BCKDHA: variants seen among roughly 807,000 people sequenced by gnomAD.
BCKDHA encodes 2-oxoisovalerate dehydrogenase subunit alpha, mitochondrial.
A neutral mutation model predicts 52.2 loss-of-function variants in BCKDHA; 43 were observed. That is an observed-to-expected ratio of 0.82 (90% confidence interval 0.64 to 1.06). The LOEUF is 1.06. Ranked by LOEUF, BCKDHA falls within the 50% of genes least tolerant of loss-of-function variation. The probability of loss-of-function intolerance (pLI) is 0.00; values close to 1 mark genes in which losing one functional copy is unlikely to be tolerated. For synonymous variants in BCKDHA, 234 were observed against 247.9 expected, an observed-to-expected ratio of 0.94 and a Z score of 0.53; for missense variants, 527 against 621.3, an observed-to-expected ratio of 0.85 and a Z score of 1.61.
chr19:41,407,958 T>A (rs1438013691), intron 1 of BCKDHA, among the ~76,000 whole-genome samples: 1 of 149,756 alleles, frequency 6.7e-6, no homozygotes, highest in Non-Finnish European at 1.5e-5. Context: ...TAATTTTTTT[T>A]TTTTTTTTTT....
rs566491748 is a variant in BCKDHA at position 41,415,196 on chromosome 19, C to T, written c.484+1039C>T. 1.9e-3 allele frequency among the ~76,000 whole-genome samples: 289 copies of T among 152,350 alleles called. 1 individual carries two copies. Among genetic ancestry groups the T allele is most frequent in the Non-Finnish European group, 3.0e-3 (205 of 68,036 alleles). On this transcript the variant is annotated intron_variant, in intron 4 of 8. Transcript: ENST00000269980. Reference sequence around the variant, plus strand: ...GCCCCACATGCTCTAGGAGGGCAAACGCCCTGTGGTGTTTGTCTAAGGTCT... The same window carrying T: ...GCCCCACATGCTCTAGGAGGGCAAATGCCCTGTGGTGTTTGTCTAAGGTCT...
chr19:41,422,605 C>T, intron 6 of BCKDHA, 24 bp from the exon 7 acceptor site: 1 of 1,613,626 alleles, frequency 6.2e-7, no homozygotes, highest in South Asian at 1.1e-5. Flanking sequence ...CCTGGCCTGA[C>T]CTGCCTTCTC....
intron 4 of BCKDHA, among the ~76,000 whole-genome samples, chr19:41,418,116 A>G (rs1230702723): frequency 7.2e-6 from 1 of 138,770 alleles, no homozygotes. Flanking sequence ...AAAAAAAAAA[A>G]GGTAACTGCT....
chr19:41,422,577 C>T, intron 6 of BCKDHA, 52 bp from the exon 7 acceptor site: 1 of 1,611,630 alleles, frequency 6.2e-7, no homozygotes. Flanking sequence ...TGGCCTCGTG[C>T]ATGTTCCTTA....
At chr19:41,417,786 G>A (rs2039321141) in intron 4 of BCKDHA, among the ~76,000 whole-genome samples, 1 of 152,136 alleles carries the variant, frequency 6.6e-6, no homozygotes, top group South Asian at 2.1e-4. Context: ...TTAGCTGGAT[G>A]TGGTGGCACA....
intron 4 of BCKDHA, among the ~76,000 whole-genome samples, chr19:41,414,780 C>T (rs2039291461): frequency 1.3e-5 from 2 of 152,088 alleles, no homozygotes; most frequent in South Asian, 4.1e-4. Flanking sequence ...GTGGGGTCTT[C>T]CAGGGAGCTT....
intron 4 of BCKDHA, among the ~76,000 whole-genome samples, chr19:41,417,062 A>C (rs1439836689): frequency 1.3e-5 from 2 of 152,136 alleles, no homozygotes; most frequent in African/African-American, 4.8e-5. Context: ...CCCAGGTTGA[A>C]GTGCAGTGGC....
intron 4 of BCKDHA, among the ~76,000 whole-genome samples, chr19:41,416,478 C>T (rs961491725): frequency 1.3e-5 from 2 of 152,218 alleles, no homozygotes; most frequent in Admixed American, 6.5e-5. Context: ...GCCACATTCT[C>T]CTAAGGAGTG....
intron 1 of BCKDHA, 75 bp downstream of exon 1, chr19:41,398,010 C>T (rs2039095224): frequency 6.2e-6 from 8 of 1,290,536 alleles, no homozygotes; most frequent in Non-Finnish European, 8.8e-6. Context: ...GTGTGGGGTC[C>T]CTGAAGGATA....
chr19:41,422,615 C>T lies in BCKDHA; in HGVS notation c.854-14C>T, dbSNP rs372967761. On this transcript the variant is annotated splice_polypyrimidine_tract_variant and intron_variant, in intron 6 of 8. Transcript: ENST00000269980. ...TCAGCCCTGGCCTGACCTGCCTTCTCTGTGTCCCCACAGCAGCACGAGGCC... is the reference window on the plus strand; with the variant it reads ...TCAGCCCTGGCCTGACCTGCCTTCTTTGTGTCCCCACAGCAGCACGAGGCC... The T allele has an allele frequency of 5.6e-6, 9 of 1,613,746 alleles. No individual in the cohort carries two copies. The highest frequency in any genetic ancestry group is 1.1e-5 in the South Asian group (1 of 91,072).
At position 41,422,304 on chromosome 19, in the gene BCKDHA, T is replaced by G. The variant is rs771360993; in HGVS notation, c.787T>G (p.Phe263Val). ...AATLECPIIF[F>V]CRNNGYAIST... ...CACACTTGAGTGCCCCATCATCTTC[T>G]TCTGCCGGAACAATGGCTACGCCAT... Residue 263 changes from phenylalanine (F) to valine (V), a missense_variant, in exon 6 of 9, where the codon TTC (phenylalanine) becomes GTC (valine). Coordinates refer to ENST00000269980, the MANE Select transcript of BCKDHA (RefSeq NM_000709.4). The G allele has an allele frequency of 1.2e-6, 2 of 1,614,208 alleles. No individual in the cohort carries two copies. The highest frequency in any genetic ancestry group is 1.7e-6 in the Non-Finnish European group (2 of 1,180,022).
intron 4 of BCKDHA, among the ~76,000 whole-genome samples, chr19:41,418,228 G>A (rs1352373403): frequency 1.3e-5 from 2 of 151,812 alleles, no homozygotes; most frequent in Non-Finnish European, 2.9e-5. Context: ...TCTGAATAAT[G>A]TTCCCGGTCT....
At chr19:41,418,009 T>A (rs1441178904) in intron 4 of BCKDHA, among the ~76,000 whole-genome samples, 1 of 150,590 alleles carries the variant, frequency 6.6e-6, no homozygotes, top group Admixed American at 6.7e-5. Flanking sequence ...TAAGAATTGC[T>A]TGAACCTGGA....
rs746184652 is a variant in BCKDHA, at chr19:41,424,706, C to G, written c.*98C>G. On this transcript the variant is annotated 3_prime_UTR_variant, in exon 9 of 9. Coordinates refer to ENST00000269980, the MANE Select transcript of BCKDHA (RefSeq NM_000709.4). ...ACCTGACAGCACACCACTGTCTTCC[C>G]CAGTCAGCTCCCTCTAAAATACTCA... is the stretch of plus-strand genomic sequence containing the variant. The G allele has an allele frequency of 7.4e-7, 1 of 1,347,612 alleles. No individual in the cohort carries two copies. Among genetic ancestry groups the G allele is most frequent in the Non-Finnish European group, 1.0e-6 (1 of 991,750 alleles). The allele number at this position is 1,347,612 out of a possible 1,614,324, so 83.5% of individuals were successfully genotyped here. A position where few individuals can be genotyped will look rare whatever the true frequency, so the allele number is the denominator to read the frequency against.
At chr19:41,418,596 A>C (rs1018379301) in intron 4 of BCKDHA, 2 of 352,654 alleles carry the variant, frequency 5.7e-6, no homozygotes, top group Non-Finnish European at 1.1e-5. Context: ...CAGTGGCACG[A>C]TCTCAGCTGC....
rs3213861 is a variant in BCKDHA at position 41,414,039 on chromosome 19, A to C, written c.376-10A>C. 984,230 of 1,611,524 alleles carry C rather than the reference A, an allele frequency of 0.61. 304,273 individuals carry two copies. The highest frequency in any genetic ancestry group is 0.83 in the African/African-American group (61,872 of 74,936). On this transcript the variant is annotated splice_polypyrimidine_tract_variant and intron_variant, in intron 3 of 8. Coordinates refer to ENST00000269980, the MANE Select transcript of BCKDHA (RefSeq NM_000709.4). ...CAATTGTGGGACCCCGGTCCCCTCT[A>C]CACCCCCAGGGCCGGATCTCCTTCT... is the stretch of plus-strand genomic sequence containing the variant.
rs398123499 is a variant in BCKDHA, at chr19:41,411,004, C to T, written c.370C>T (p.Arg124Trp). Residue 124 changes from arginine to tryptophan, a missense_variant, in exon 3 of 9, where the codon CGG (arginine) becomes TGG (tryptophan). Arg to Trp is a moderately radical substitution (Grantham distance 101). Transcript: ENST00000269980. The stretch of plus-strand genomic sequence containing the variant: ...GGACCGCATCCTCTATGAGTCTCAG[C>T]GGCAGGTGCGTGGGGACAGGACTAG... ...TMDRILYESQ[R>W]QGRISFYMTN... is the part of the protein sequence containing the mutation. 3.0e-5 allele frequency: 48 copies of T among 1,613,886 alleles called. No homozygotes were observed. Among genetic ancestry groups the T allele is most frequent in the Non-Finnish European group, 3.9e-5 (46 of 1,180,006 alleles).
At chr19:41,416,578 T>C (rs2122127562) in intron 4 of BCKDHA, among the ~76,000 whole-genome samples, 1 of 152,272 alleles carries the variant, frequency 6.6e-6, no homozygotes, top group South Asian at 2.1e-4. Flanking sequence ...ATGTGGAGTA[T>C]CAGTGGTGGC....
intron 5 of BCKDHA, among the ~76,000 whole-genome samples, chr19:41,420,348 G>A (rs893600818): frequency 2.0e-5 from 3 of 152,096 alleles, no homozygotes; most frequent in African/African-American, 4.8e-5. Context: ...CAGGATGCCC[G>A]TGTTTTGTGT....
Sources: allele counts gnomAD v4.1 joint callset (sites outside exome capture counted in the v4.1 genomes callset), GRCh38; gene constraint gnomAD v4.1.1; transcripts MANE v1.5; gene names NCBI Gene and HGNC (gene_info 2026-07-23, HGNC 2026-07-21).